The following RFTN1 variants were observed in gnomAD, a reference collection of about 807,000 sequenced individuals.
RFTN1 encodes raftlin.
A neutral mutation model predicts 46.5 loss-of-function variants in RFTN1; 26 were observed. That is an observed-to-expected ratio of 0.56 (90% confidence interval 0.41 to 0.78). The LOEUF (loss-of-function observed/expected upper bound fraction) is 0.78, where lower values mean the gene tolerates loss of function less well. RFTN1 is among the 30% of genes least tolerant of loss of function. The probability of loss-of-function intolerance (pLI) is 0.00; values close to 1 mark genes in which losing one functional copy is unlikely to be tolerated. For synonymous variants in RFTN1, 261 were observed against 284.2 expected (o/e 0.92, Z 0.82); for missense variants, 693 against 718.7 (o/e 0.96, Z 0.41).
intron 4 of RFTN1, among the ~76,000 whole-genome samples, chr3:16,398,439 C>T (rs929716008): frequency 6.6e-6 from 1 of 152,134 alleles, no homozygotes; most frequent in African/African-American, 2.4e-5. Context: ...TTAGGCTTCA[C>T]TCTTGGCCAA....
At chr3:16,403,813 TTTATA>T (rs1283545008) in intron 4 of RFTN1, among the ~76,000 whole-genome samples, 1 of 12,068 alleles carries the variant, frequency 8.3e-5, no homozygotes, top group Non-Finnish European at 1.2e-4. Flanking sequence ...TATTATATAT[TTTATA>T]TTATATTTAT....
chr3:16,317,791 A>G lies in RFTN1; in HGVS notation c.1333-559T>C, dbSNP rs2068583715. ...CTAGGCCGATAGCCCTTTGCTGACC[A>G]CCACCTCACAGAAGGGTCACACCAG... is the stretch of plus-strand genomic sequence containing the variant. On this transcript the variant is annotated intron_variant, in intron 9 of 9. Transcript: ENST00000334133. This position sits in a 1 kb window ranked among gnomAD's most constrained non-coding sequence, Gnocchi z 4.3. Among the ~76,000 whole-genome samples, 1 of 151,720 alleles carries G rather than the reference A, an allele frequency of 6.6e-6. No individual in the cohort carries two copies. The highest frequency in any genetic ancestry group is 6.6e-5 in the Admixed American group (1 of 15,242).
rs1004224814 is a variant in RFTN1, at chr3:16,425,646, G to A, written c.332+8205C>T. On this transcript the variant is annotated intron_variant, in intron 3 of 9. Coordinates refer to ENST00000334133, the MANE Select transcript of RFTN1 (RefSeq NM_015150.2). The surrounding 1 kb of genome is among the most constrained non-coding windows in gnomAD (Gnocchi z 4.3). ...GAAGAGAACAAGAGTAACTCGGCAAGCCATTTAGGAGTGTGGATTGGAAAA... is the reference window on the plus strand; with the variant it reads ...GAAGAGAACAAGAGTAACTCGGCAAACCATTTAGGAGTGTGGATTGGAAAA... 3.9e-5 allele frequency among the ~76,000 whole-genome samples: 6 copies of A among 152,148 alleles called. No homozygotes were observed. Among genetic ancestry groups the A allele is most frequent in the Admixed American group, 6.5e-5 (1 of 15,280 alleles).
intron 3 of RFTN1, among the ~76,000 whole-genome samples, chr3:16,414,730 G>A (rs961873871): frequency 1.3e-5 from 2 of 152,122 alleles, no homozygotes; most frequent in Non-Finnish European, 2.9e-5. Flanking sequence ...CTGATGAGGT[G>A]AAATTTGGAA....
chr3:16,487,433 C>T (rs1306239040), intron 2 of RFTN1, among the ~76,000 whole-genome samples: 4 of 152,214 alleles, frequency 2.6e-5, no homozygotes, highest in Non-Finnish European at 4.4e-5. Context: ...ATAGAACTTT[C>T]GGCAATGATA....
intron 2 of RFTN1, chr3:16,482,944 C>T: frequency 1.1e-6 from 1 of 911,544 alleles, no homozygotes; most frequent in Non-Finnish European, 1.7e-6. Context: ...ACCCTGGGGC[C>T]TCTTGCAGCA....
rs2073986534 is a variant in RFTN1 at position 16,381,375 on chromosome 3, G to A, written c.442-3273C>T. 6.6e-6 allele frequency among the ~76,000 whole-genome samples: 1 copy of A among 152,210 alleles called. No homozygotes were observed. The highest frequency in any genetic ancestry group is 6.5e-5 in the Admixed American group (1 of 15,294). On this transcript the variant is annotated intron_variant, in intron 4 of 9. Transcript: ENST00000334133. This position sits in a 1 kb window ranked among gnomAD's most constrained non-coding sequence, Gnocchi z 4.2. ...CATAGAGGATAATATAGTAATGGAT[G>A]TGAAGGCATAGACATGACAGTGACA...
chr3:16,436,719 T>C (rs1441915783), intron 2 of RFTN1, among the ~76,000 whole-genome samples: 1 of 152,212 alleles, frequency 6.6e-6, no homozygotes, highest in Non-Finnish European at 1.5e-5. Context: ...ATGCCATATA[T>C]CATATGCCAC....
chr3:16,316,399 A>G lies in RFTN1; in HGVS notation c.*429T>C. 4.9e-6 allele frequency: 1 copy of G among 203,662 alleles called. No individual in the cohort carries two copies. Among genetic ancestry groups the G allele is most frequent in the Non-Finnish European group, 9.8e-6 (1 of 102,440 alleles). 12.6% of individuals were successfully genotyped at this position (203,662 alleles called of 1,614,324 possible). On this transcript the variant is annotated 3_prime_UTR_variant, in exon 10 of 10. Transcript: ENST00000334133. The surrounding 1 kb of genome is among the most constrained non-coding windows in gnomAD (Gnocchi z 4.5). ...AGTTGTTAAGTCACCAAGTAGCTGC[A>G]GGGGATGGACACTGCCCCACACGAT...
At chr3:16,488,731 A>G (rs1474719615) in intron 2 of RFTN1, among the ~76,000 whole-genome samples, 3 of 152,108 alleles carry the variant, frequency 2.0e-5, no homozygotes, top group African/African-American at 4.8e-5. Context: ...TCTTCCCCCA[A>G]CCACTTCCTA....
intron 4 of RFTN1, among the ~76,000 whole-genome samples, chr3:16,406,834 A>G (rs2074868575): frequency 6.6e-6 from 1 of 152,218 alleles, no homozygotes; most frequent in Non-Finnish European, 1.5e-5. Context: ...AGTGTTAAGG[A>G]CTTATACAAA....
chr3:16,470,540 G>C (rs541276572), intron 2 of RFTN1, among the ~76,000 whole-genome samples: 8 of 152,108 alleles, frequency 5.3e-5, no homozygotes, highest in Non-Finnish European at 7.4e-5. Context: ...AGAAAGGAGA[G>C]AGCCAGAGAA....
intron 2 of RFTN1, among the ~76,000 whole-genome samples, chr3:16,477,773 T>C (rs2076306020): frequency 6.6e-6 from 1 of 152,258 alleles, no homozygotes; most frequent in African/African-American, 2.4e-5. Flanking sequence ...ATCTCATCAA[T>C]ATGTTTAAAT....
chr3:16,508,391 T>G (rs553496396), intron 1 of RFTN1, among the ~76,000 whole-genome samples: 1 of 152,336 alleles, frequency 6.6e-6, no homozygotes, highest in Admixed American at 6.5e-5. Flanking sequence ...GAATGTCACC[T>G]GATTTTCCAG....
chr3:16,488,026 T>C (rs1189590658), intron 2 of RFTN1, among the ~76,000 whole-genome samples: 1 of 152,120 alleles, frequency 6.6e-6, no homozygotes, highest in East Asian at 1.9e-4. Context: ...TGAGGCTGCA[T>C]GTTCCAGTAT....
chr3:16,503,212 C>A (rs2076743202), intron 1 of RFTN1, among the ~76,000 whole-genome samples: 1 of 152,188 alleles, frequency 6.6e-6, no homozygotes, highest in Admixed American at 6.5e-5. Flanking sequence ...CCACTCAGAA[C>A]CTGCTACTCA....
At chr3:16,461,640 G>A (rs532477170) in intron 2 of RFTN1, among the ~76,000 whole-genome samples, 1 of 152,268 alleles carries the variant, frequency 6.6e-6, no homozygotes, top group South Asian at 2.1e-4. Context: ...TTATCAAAGG[G>A]AGGCAGACCA....
At chr3:16,391,460 T>G (rs1000262663) in intron 4 of RFTN1, among the ~76,000 whole-genome samples, 1 of 152,208 alleles carries the variant, frequency 6.6e-6, no homozygotes, top group African/African-American at 2.4e-5. Flanking sequence ...ATTTAAAGTT[T>G]AGATTTTTCT....
rs973171287 is a variant in RFTN1, at chr3:16,466,890, G to A, written c.145+26835C>T. 1.3e-5 allele frequency among the ~76,000 whole-genome samples: 2 copies of A among 152,158 alleles called. No homozygotes were observed. The highest frequency in any genetic ancestry group is 1.5e-5 in the Non-Finnish European group (1 of 68,042). On this transcript the variant is annotated intron_variant, in intron 2 of 9. Transcript: ENST00000334133. This position sits in a 1 kb window ranked among gnomAD's most constrained non-coding sequence, Gnocchi z 5.6. The stretch of plus-strand genomic sequence containing the variant: ...ATACAAGTCAAGACACAGTAATTAC[G>A]CTACAGACAAAGGGAGGGAGGATAA...
Sources: gnomAD v4.1 joint callset for allele counts (sites outside exome capture counted in the v4.1 genomes callset) on GRCh38, gnomAD v4.1.1 for gene constraint, Gnocchi (gnomAD v3.1) non-coding constraint, MANE v1.5 for transcripts, NCBI Gene and HGNC (gene_info 2026-07-23, HGNC 2026-07-21) for gene names.